Variants in MTHFD1 observed in about 807,000 individuals in gnomAD.
MTHFD1 encodes the protein C-1-tetrahydrofolate synthase, cytoplasmic.
Under a neutral mutation model 110.3 loss-of-function variants are expected in MTHFD1, and 44 were observed. The ratio of observed to expected loss-of-function variants is 0.40; its 90% CI spans 0.31 to 0.51. The LOEUF (loss-of-function observed/expected upper bound fraction) is 0.51. MTHFD1 is among the 20% of genes least tolerant of loss of function. The probability of loss-of-function intolerance (pLI) is 0.60; values close to 1 mark genes in which losing one functional copy is unlikely to be tolerated. For synonymous variants in MTHFD1, 402 were observed against 428.8 expected, an observed-to-expected ratio of 0.94 and a Z score of 0.77; for missense variants, 909 against 1,173.1, an observed-to-expected ratio of 0.77 and a Z score of 3.29.
rs894639553 is a variant in MTHFD1, at chr14:64,417,773, T to A, written c.479-115T>A. On this transcript the variant is annotated intron_variant, in intron 6 of 27. Transcript: ENST00000652337. The surrounding 1 kb of genome is among the most constrained non-coding windows in gnomAD (Gnocchi z 4.4). ...AAAGAAGGAATGCTTTTAGGAAGGT[T>A]TCTGTTTGATGTTAAGAACCTGTTT... 7.7e-7 allele frequency: 1 copy of A among 1,306,488 alleles called. No homozygotes were observed. Among genetic ancestry groups the A allele is most frequent in the African/African-American group, 1.4e-5 (1 of 69,024 alleles). The allele number at this position is 1,306,488 out of a possible 1,614,324, so 80.9% of individuals were successfully genotyped here.
At chr14:64,393,550 C>T (rs1262582425) in intron 1 of MTHFD1, among the ~76,000 whole-genome samples, 1 of 152,196 alleles carries the variant, frequency 6.6e-6, no homozygotes, top group Non-Finnish European at 1.5e-5. Flanking sequence ...AGGCTGGGAC[C>T]TTCAGCTAGG....
At chr14:64,454,979 C>T in intron 26 of MTHFD1, 104 bp downstream of exon 26, 1 of 1,231,086 alleles carries the variant, frequency 8.1e-7, no homozygotes, top group Non-Finnish European at 1.2e-6. Context: ...GTTCACTGCC[C>T]AGAAGAAAAT....
In MTHFD1 at chr14:64,440,123, C is replaced by T. The variant is rs998422207; in HGVS notation, c.1675-3C>T. The stretch of plus-strand genomic sequence containing the variant: ...TGCTAGTACCTCTTTTCCCTGCCCA[C>T]AGGCCCAGTTTGATATCTCTGTGGC... On this transcript the variant is annotated splice_region_variant and splice_polypyrimidine_tract_variant and intron_variant, in intron 17 of 27. Coordinates refer to ENST00000652337, the MANE Select transcript of MTHFD1 (RefSeq NM_005956.4). 1.9e-6 allele frequency: 3 copies of T among 1,612,106 alleles called. No individual in the cohort carries two copies. The highest frequency in any genetic ancestry group is 2.5e-6 in the Non-Finnish European group (3 of 1,179,072).
chr14:64,403,250 A>G (rs1009225658), intron 2 of MTHFD1, among the ~76,000 whole-genome samples: 6 of 150,352 alleles, frequency 4.0e-5, no homozygotes, highest in Non-Finnish European at 8.8e-5. Context: ...AGTAGCTGGG[A>G]TTACAGGCAC....
At chr14:64,426,763 C>G (rs2078122396) in intron 11 of MTHFD1, among the ~76,000 whole-genome samples, 2 of 152,142 alleles carry the variant, frequency 1.3e-5, no homozygotes, top group Admixed American at 6.5e-5. Flanking sequence ...GCCACCACAC[C>G]CGGCCAGAAT....
At chr14:64,456,781 G>C (rs866571002) in intron 26 of MTHFD1, among the ~76,000 whole-genome samples, 10 of 152,182 alleles carry the variant, frequency 6.6e-5, no homozygotes, top group African/African-American at 2.4e-4. Context: ...ATATTGATTG[G>C]TACTCAGAAG....
In MTHFD1 at chr14:64,436,997, GGT is replaced by G. The variant is rs57417018; in HGVS notation, c.1597+1335_1597+1336del. On this transcript the variant is annotated intron_variant, in intron 16 of 27. Transcript: ENST00000652337. ...ACAACACATTACAGCAAGAGTGGGG[GGT>G]GTGTGTGTCTGATTGCTATATAAGA... Among the ~76,000 whole-genome samples, 1,502 of 152,110 alleles carry G rather than the reference GGT, an allele frequency of 9.9e-3. 21 individuals carry two copies. The highest frequency in any genetic ancestry group is 0.032 in the African/African-American group (1,343 of 41,488).
At chr14:64,458,434 C>T (rs1392060070) in intron 27 of MTHFD1, 127 bp downstream of exon 27, 1 of 747,488 alleles carries the variant, frequency 1.3e-6, no homozygotes, top group Non-Finnish European at 2.5e-6. Flanking sequence ...TTCAGACTTC[C>T]CTGAGGGGAG....
chr14:64,419,326 C>T, intron 7 of MTHFD1: 1 of 226,056 alleles, frequency 4.4e-6, no homozygotes, highest in Non-Finnish European at 8.8e-6. Flanking sequence ...ATAGCTATGG[C>T]AGCTTGTTCT....
intron 15 of MTHFD1, among the ~76,000 whole-genome samples, chr14:64,434,693 T>C (rs938292606): frequency 2.0e-5 from 3 of 152,168 alleles, no homozygotes; most frequent in Non-Finnish European, 4.4e-5. Context: ...ACAAGACTTA[T>C]CACTAGACAT....
Position 64,442,324 on chromosome 14 carries a change from G to A in MTHFD1, c.2058G>A (p.Arg686=), listed in dbSNP as rs1461920223. Residue 686 remains arginine (R), a synonymous_variant, in exon 21 of 28, where the codon CGG becomes CGA. Coordinates refer to ENST00000652337, the MANE Select transcript of MTHFD1 (RefSeq NM_005956.4). The part of the protein sequence containing the change: ...GMEKFFNIKC[R]YSGLCPHVVV... ...AAAAGTTTTTTAACATCAAATGCCG[G>A]TATTCCGGCCTCTGCCCCCACGTGG... is the stretch of plus-strand genomic sequence containing the variant. The A allele has an allele frequency of 1.2e-6, 2 of 1,614,098 alleles. No homozygotes were observed. Among genetic ancestry groups the A allele is most frequent in the Non-Finnish European group, 8.5e-7 (1 of 1,180,030 alleles).
At chr14:64,419,995 T>G in intron 8 of MTHFD1, 70 bp downstream of exon 8, 1 of 1,077,360 alleles carries the variant, frequency 9.3e-7, no homozygotes. Flanking sequence ...AAAAGAAGCC[T>G]GAGAGAGAAG....
intron 9 of MTHFD1, among the ~76,000 whole-genome samples, chr14:64,425,236 G>T (rs2078109839): frequency 6.8e-6 from 1 of 147,784 alleles, no homozygotes; most frequent in Non-Finnish European, 1.5e-5. Flanking sequence ...TTTTGAGACG[G>T]AGTTTTGCTC....
chr14:64,434,908 C>G (rs955156066), intron 15 of MTHFD1, among the ~76,000 whole-genome samples: 1 of 147,708 alleles, frequency 6.8e-6, no homozygotes, highest in African/African-American at 2.5e-5. Flanking sequence ...CAGCCTTGAC[C>G]TGAACTCTCT....
In MTHFD1 at chr14:64,417,886, A is replaced by G. The variant is rs999121868; in HGVS notation, c.479-2A>G. ...TCTGATGCAGGCTGGCTTTTCTTTC[A>G]GGGGTGCCGATTGCCGGAAGGCATG... On this transcript the variant is annotated splice_acceptor_variant, in intron 6 of 27. Transcript: ENST00000652337. LOFTEE classifies it high-confidence loss of function. This position sits in a 1 kb window ranked among gnomAD's most constrained non-coding sequence, Gnocchi z 4.4. 6.2e-7 allele frequency: 1 copy of G among 1,612,422 alleles called. No individual in the cohort carries two copies. Among genetic ancestry groups the G allele is most frequent in the Non-Finnish European group, 8.5e-7 (1 of 1,179,906 alleles).
At chr14:64,412,815 T>C (rs2077994774) in intron 4 of MTHFD1, among the ~76,000 whole-genome samples, 2 of 151,654 alleles carry the variant, frequency 1.3e-5, no homozygotes, top group African/African-American at 4.8e-5. Flanking sequence ...TTTTTATATT[T>C]TTAATAGAGA....
rs2078021778 is a variant in MTHFD1, at chr14:64,415,828, C to T, written c.478+89C>T. The T allele has an allele frequency of 6.1e-6, 8 of 1,313,126 alleles. No individual in the cohort carries two copies. The South Asian group carries it at 6.2e-5, about 10-fold the overall frequency. 81.3% of individuals were successfully genotyped at this position (1,313,126 alleles called of 1,614,324 possible). A position where few individuals can be genotyped will look rare whatever the true frequency, so the allele number is the denominator to read the frequency against. On this transcript the variant is annotated intron_variant, in intron 6 of 27. Coordinates refer to ENST00000652337, the MANE Select transcript of MTHFD1 (RefSeq NM_005956.4). ...TGGCATAGAGGAGGTACATTGTGGG[C>T]CATAAATAAATGGACTTGATTGGCA...
chr14:64,421,445 T>C (rs1227404460), intron 8 of MTHFD1, among the ~76,000 whole-genome samples: 2 of 152,176 alleles, frequency 1.3e-5, no homozygotes, highest in Non-Finnish European at 2.9e-5. Context: ...TCACCGTTTT[T>C]AACCTCCCTC....
chr14:64,449,421 T>C, intron 23 of MTHFD1, 24 bp from the exon 24 acceptor site: 1 of 1,611,848 alleles, frequency 6.2e-7, no homozygotes, highest in Non-Finnish European at 8.5e-7. Flanking sequence ...TTCCATGCTT[T>C]GATATGAAAT....
Sources: allele counts gnomAD v4.1 joint callset (sites outside exome capture counted in the v4.1 genomes callset), GRCh38; gene constraint gnomAD v4.1.1; non-coding constraint Gnocchi (gnomAD v3.1); transcripts MANE v1.5; gene names NCBI Gene and HGNC (gene_info 2026-07-23, HGNC 2026-07-21).